GRM1: variants seen among roughly 807,000 people sequenced by gnomAD.
GRM1 encodes the protein metabotropic glutamate receptor 1.
Under a neutral mutation model 90.9 loss-of-function variants are expected in GRM1, and 33 were observed. That is an observed-to-expected ratio of 0.36 (90% CI 0.28 to 0.49). GRM1 has a LOEUF of 0.49. Among genes scored for constraint, GRM1 ranks in the 20% least tolerant of loss-of-function variants. The pLI is 0.99. For missense variants in GRM1, 1,190 were observed against 1,534.3 expected, an observed-to-expected ratio of 0.78 and a Z score of 3.75; for synonymous variants, 700 against 613.2, an observed-to-expected ratio of 1.14 and a Z score of -2.09.
intron 2 of GRM1, among the ~76,000 whole-genome samples, chr6:146,172,937 T>C (rs1205160449): frequency 1.3e-5 from 2 of 152,084 alleles, no homozygotes; most frequent in Non-Finnish European, 2.9e-5. Context: ...GGATCAGAAA[T>C]AAATACGTAA....
intron 1 of GRM1, among the ~76,000 whole-genome samples, chr6:146,155,373 C>T (rs1442943655): frequency 2.0e-5 from 3 of 152,244 alleles, no homozygotes; most frequent in Non-Finnish European, 2.9e-5. Context: ...GGTTTGTAGC[C>T]TAGAAGCAAT....
At chr6:146,238,245 G>T (rs1183577767) in intron 2 of GRM1, among the ~76,000 whole-genome samples, 2 of 152,104 alleles carry the variant, frequency 1.3e-5, no homozygotes, top group East Asian at 1.9e-4. Flanking sequence ...ATGAAAAATG[G>T]ATAGGACCTT....
intron 1 of GRM1, among the ~76,000 whole-genome samples, chr6:146,061,757 A>C (rs1407611266): frequency 1.3e-5 from 2 of 152,090 alleles, no homozygotes; most frequent in East Asian, 3.9e-4. Context: ...AGAAATCACT[A>C]TGATGATGAG....
chr6:146,309,716 AG>A (rs1029083577), intron 3 of GRM1, among the ~76,000 whole-genome samples: 81 of 151,920 alleles, frequency 5.3e-4, no homozygotes, highest in African/African-American at 1.8e-3. Flanking sequence ...TAAAAAAAAA[AG>A]CACTGAATAT....
At chr6:146,429,215 TA>T (rs1237313433) in intron 7 of GRM1, among the ~76,000 whole-genome samples, 1 of 152,234 alleles carries the variant, frequency 6.6e-6, no homozygotes, top group Non-Finnish European at 1.5e-5. Context: ...CAATGCCATT[TA>T]AGATGTCATA....
At position 146,366,909 on chromosome 6, in the gene GRM1, A is replaced by G. The variant is rs114467774; in HGVS notation, c.1602+9215A>G. ...TGAAGGAGCTTTTTAGCTTGATATA[A>G]TCTCATTTGTCTATTTTTGCTTTTG... is the stretch of plus-strand genomic sequence containing the variant. On this transcript the variant is annotated intron_variant, in intron 5 of 7. Transcript: ENST00000282753. Among the ~76,000 whole-genome samples, 430 of 152,106 alleles carry G rather than the reference A, an allele frequency of 2.8e-3. 2 individuals are homozygous for G. Among genetic ancestry groups the G allele is most frequent in the African/African-American group, 0.01 (416 of 41,512 alleles).
At chr6:146,118,955 C>G (rs563789687) in intron 1 of GRM1, among the ~76,000 whole-genome samples, 2 of 152,310 alleles carry the variant, frequency 1.3e-5, no homozygotes, top group Admixed American at 1.3e-4. Context: ...GGTATATACC[C>G]AGTAATGGGA....
At chr6:146,186,878 A>G (rs1033031054) in intron 2 of GRM1, among the ~76,000 whole-genome samples, 2 of 152,212 alleles carry the variant, frequency 1.3e-5, no homozygotes, top group East Asian at 1.9e-4. Flanking sequence ...TCAACTGTCT[A>G]AGAAGGGAGT....
intron 2 of GRM1, among the ~76,000 whole-genome samples, chr6:146,181,405 G>A (rs1161011567): frequency 2.0e-5 from 3 of 152,104 alleles, no homozygotes; most frequent in African/African-American, 7.2e-5. Flanking sequence ...ACATATTCAA[G>A]ATTAGGAAGA....
At chr6:146,223,701 A>C (rs1273175685) in intron 2 of GRM1, among the ~76,000 whole-genome samples, 1 of 152,124 alleles carries the variant, frequency 6.6e-6, no homozygotes, top group Admixed American at 6.6e-5. Flanking sequence ...CCTCTTTAGC[A>C]TCAACGGAAT....
intron 1 of GRM1, among the ~76,000 whole-genome samples, chr6:146,077,357 G>C: frequency 6.6e-6 from 1 of 152,174 alleles, no homozygotes; most frequent in East Asian, 1.9e-4. Context: ...AGGATGGTTA[G>C]CTCCACCTTG....
At chr6:146,133,664 A>T (rs1431512867) in intron 1 of GRM1, among the ~76,000 whole-genome samples, 1 of 152,158 alleles carries the variant, frequency 6.6e-6, no homozygotes. Context: ...GTGTTTGATA[A>T]TGATCTAAGG....
chr6:146,260,804 GTTTTTTTTTTTTTTTTTTTTTT>G (rs56956724), intron 2 of GRM1, among the ~76,000 whole-genome samples: 1 of 22,712 alleles, frequency 4.4e-5, no homozygotes. Flanking sequence ...GGTTATTTGG[GTTTTTTTTTTTTTTTTTTTTTT>G]TTTTTTTTTT....
intron 2 of GRM1, among the ~76,000 whole-genome samples, chr6:146,179,850 A>G (rs1486644298): frequency 6.7e-6 from 1 of 150,132 alleles, no homozygotes; most frequent in African/African-American, 2.4e-5. Flanking sequence ...TTTGTTCTTT[A>G]TTCCTTCATC....
At chr6:146,091,212 C>G (rs1582989388) in intron 1 of GRM1, among the ~76,000 whole-genome samples, 1 of 152,052 alleles carries the variant, frequency 6.6e-6, no homozygotes, top group South Asian at 2.1e-4. Context: ...GTTCCTTCTT[C>G]CCATTGGCAG....
chr6:146,209,699 A>G (rs1337517796), intron 2 of GRM1, among the ~76,000 whole-genome samples: 3 of 152,152 alleles, frequency 2.0e-5, no homozygotes, highest in African/African-American at 4.8e-5. Context: ...TTGAGATGTG[A>G]TATCAATTAA....
intron 5 of GRM1, among the ~76,000 whole-genome samples, chr6:146,359,859 G>A (rs1221224053): frequency 6.6e-6 from 1 of 152,108 alleles, no homozygotes; most frequent in Non-Finnish European, 1.5e-5. Context: ...AGCTCCTGGG[G>A]GCCAATTTTA....
At chr6:146,380,609 C>T (rs947405238) in intron 5 of GRM1, among the ~76,000 whole-genome samples, 21 of 152,048 alleles carry the variant, frequency 1.4e-4, no homozygotes, top group Admixed American at 3.9e-4. Flanking sequence ...AATCAAGGAC[C>T]CAGGAGCCCA....
At chr6:146,415,571 T>G (rs1430654387) in intron 7 of GRM1, among the ~76,000 whole-genome samples, 1 of 152,254 alleles carries the variant, frequency 6.6e-6, no homozygotes, top group Non-Finnish European at 1.5e-5. Context: ...TGTATTCATC[T>G]ATCTTTTTGC....
Sources: allele counts gnomAD v4.1 joint callset (sites outside exome capture counted in the v4.1 genomes callset), GRCh38; gene constraint gnomAD v4.1.1; transcripts MANE v1.5; gene names NCBI Gene and HGNC (gene_info 2026-07-23, HGNC 2026-07-21).